SLC44A1: variants seen among roughly 807,000 people sequenced by gnomAD.
The protein encoded by SLC44A1 is solute carrier family 44 member 1.
A neutral mutation model predicts 79.3 loss-of-function variants in SLC44A1; 26 were observed. That is an observed-to-expected ratio of 0.33 (90% confidence interval 0.24 to 0.46). SLC44A1 has a LOEUF of 0.46. Among genes scored for constraint, SLC44A1 ranks in the 20% least tolerant of loss-of-function variants. SLC44A1 has a pLI of 1.00. For missense variants in SLC44A1, 688 were observed against 798.1 expected (o/e 0.86, Z 1.66); for synonymous variants, 263 against 286.2 (o/e 0.92, Z 0.82).
intron 3 of SLC44A1, among the ~76,000 whole-genome samples, chr9:105,325,569 T>G (rs1826547981): frequency 6.6e-6 from 1 of 152,196 alleles, no homozygotes; most frequent in Non-Finnish European, 1.5e-5. Flanking sequence ...TCGAGTGTGC[T>G]GATATGCTAG....
At chr9:105,365,386 AT>A (rs373671531) in intron 10 of SLC44A1, 96 bp from the exon 11 acceptor site, 1,999 of 822,464 alleles carry the variant, frequency 2.4e-3, no homozygotes, top group South Asian at 3.2e-3. Context: ...TGATGAGCTG[AT>A]TTTTTTTTTC....
chr9:105,371,531 A>G (rs1828099615), intron 12 of SLC44A1, among the ~76,000 whole-genome samples: 1 of 151,982 alleles, frequency 6.6e-6, no homozygotes, highest in Non-Finnish European at 1.5e-5. Flanking sequence ...GGAGATCGAG[A>G]CCATCCTAGC....
At chr9:105,356,180 T>C (rs1827616039) in intron 5 of SLC44A1, 32 bp from the exon 6 acceptor site, 1 of 1,589,124 alleles carries the variant, frequency 6.3e-7, no homozygotes, top group Non-Finnish European at 8.6e-7. Context: ...AGGAGTAATT[T>C]TTTTTCTGAT....
intron 13 of SLC44A1, among the ~76,000 whole-genome samples, chr9:105,375,320 A>T (rs1273823744): frequency 6.6e-6 from 1 of 152,192 alleles, no homozygotes; most frequent in East Asian, 1.9e-4. Context: ...GATTACAGGC[A>T]TGAGCCACTG....
Position 105,383,131 on chromosome 9 carries a change from A to G in SLC44A1, c.1641A>G (p.Ile547Met), listed in dbSNP as rs780524057. The change falls in exon 14 of 16, where the codon ATA (isoleucine) becomes ATG (methionine). Residue 547 changes from isoleucine (I) to methionine (M), a missense_variant. Ile to Met is a conservative substitution (Grantham distance 10). Transcript: ENST00000374720. ...DFMLFLGKVL[I>M]VCSTGLAGIM... ...TGTTCTCTCTGCTTCAGGTGCTGAT[A>G]GTCTGCAGCACAGGTTTAGCTGGGA... 1 of 1,606,132 alleles carries G rather than the reference A, an allele frequency of 6.2e-7. No homozygotes were observed. The highest frequency in any genetic ancestry group is 1.1e-5 in the South Asian group (1 of 90,926).
chr9:105,382,195 G>T (rs1828487778), intron 13 of SLC44A1, among the ~76,000 whole-genome samples: 2 of 151,936 alleles, frequency 1.3e-5, no homozygotes, highest in South Asian at 2.1e-4. Context: ...TTCTACTCAG[G>T]TCGGGTGGCA....
chr9:105,283,828 C>T (rs1830414882), intron 1 of SLC44A1, among the ~76,000 whole-genome samples: 1 of 152,106 alleles, frequency 6.6e-6, no homozygotes, highest in African/African-American at 2.4e-5. Flanking sequence ...CTCCATTGCT[C>T]TATTGCTTTA....
At chr9:105,407,728 G>A (rs902744509) in intron 15 of SLC44A1, among the ~76,000 whole-genome samples, 1 of 151,688 alleles carries the variant, frequency 6.6e-6, no homozygotes, top group African/African-American at 2.4e-5. Flanking sequence ...AAATTAGCTG[G>A]GCGTGATGGC....
intron 15 of SLC44A1, among the ~76,000 whole-genome samples, chr9:105,421,788 C>T (rs1323485286): frequency 6.6e-6 from 1 of 151,968 alleles, no homozygotes; most frequent in South Asian, 2.1e-4. Context: ...GGGGTTTCAC[C>T]GTGTTAGCCA....
At chr9:105,365,845 T>C (rs1827925006) in intron 11 of SLC44A1, among the ~76,000 whole-genome samples, 1 of 152,196 alleles carries the variant, frequency 6.6e-6, no homozygotes, top group African/African-American at 2.4e-5. Flanking sequence ...TAACTAAAAG[T>C]ATCCTGTGCT....
rs1437294495 is a variant in SLC44A1, at chr9:105,391,074, T to A, written c.*2018T>A. Reference sequence around the variant, plus strand: ...AAACATTGGGAACTAAATTTAGAATTGGCAAAAGTCTAGAAGATGGGTATC... The same window carrying A: ...AAACATTGGGAACTAAATTTAGAATAGGCAAAAGTCTAGAAGATGGGTATC... On this transcript the variant is annotated 3_prime_UTR_variant, in exon 16 of 16. Transcript: ENST00000374720. 1 of 985,866 alleles carries A rather than the reference T, an allele frequency of 1.0e-6. No individual in the cohort carries two copies. The highest frequency in any genetic ancestry group is 4.7e-5 in the South Asian group (1 of 21,290). The allele number at this position is 985,866 out of a possible 1,614,324, so 61.1% of individuals were successfully genotyped here. A position where few individuals can be genotyped will look rare whatever the true frequency, so the allele number is the denominator to read the frequency against.
intron 1 of SLC44A1, among the ~76,000 whole-genome samples, chr9:105,284,193 G>A (rs1160715185): frequency 6.6e-6 from 1 of 150,748 alleles, no homozygotes; most frequent in Non-Finnish European, 1.5e-5. Context: ...GTGTCTACCT[G>A]CCCTATCCAT....
chr9:105,409,352 T>A (rs377174304), intron 15 of SLC44A1, among the ~76,000 whole-genome samples: 15 of 152,248 alleles, frequency 9.9e-5, no homozygotes, highest in African/African-American at 3.4e-4. Context: ...CATTTTATAG[T>A]CATAAAAGGA....
intron 1 of SLC44A1, among the ~76,000 whole-genome samples, chr9:105,274,519 T>C (rs1285783471): frequency 6.6e-6 from 1 of 152,208 alleles, no homozygotes; most frequent in African/African-American, 2.4e-5. Flanking sequence ...GACCACCTCC[T>C]TCTCTGAACA....
At position 105,396,317 on chromosome 9, in the gene SLC44A1, CA is replaced by C. The variant is rs1222261838; in HGVS notation, c.*7262del. On this transcript the variant is annotated 3_prime_UTR_variant, in exon 16 of 16. Transcript: ENST00000374720. Reference sequence around the variant, plus strand: ...CAGTGGTTATTAACTGATTTTATTACAGGAGAAAAAAACTTTAACAAAAAGG... The same window carrying C: ...CAGTGGTTATTAACTGATTTTATTACGGAGAAAAAAACTTTAACAAAAAGG... The C allele has an allele frequency of 2.0e-6, 2 of 984,888 alleles. No individual in the cohort carries two copies. The highest frequency in any genetic ancestry group is 6.2e-5 in the Admixed American group (1 of 16,238). The allele number at this position is 984,888 out of a possible 1,614,324, so 61.0% of individuals were successfully genotyped here.
At chr9:105,341,410 C>T (rs188121560) in intron 4 of SLC44A1, among the ~76,000 whole-genome samples, 29 of 151,136 alleles carry the variant, frequency 1.9e-4, no homozygotes, top group African/African-American at 5.8e-4. Flanking sequence ...TGAGTTGGGT[C>T]GTGGGGTACA....
At chr9:105,246,724 T>C (rs1156784188) in intron 1 of SLC44A1, among the ~76,000 whole-genome samples, 2 of 152,202 alleles carry the variant, frequency 1.3e-5, no homozygotes, top group African/African-American at 2.4e-5. Flanking sequence ...TGAAATGCCT[T>C]TAAGACAGAA....
At chr9:105,245,396 T>A (rs1829413129) in intron 1 of SLC44A1, among the ~76,000 whole-genome samples, 1 of 152,212 alleles carries the variant, frequency 6.6e-6, no homozygotes, top group Non-Finnish European at 1.5e-5. Context: ...CAGTTTCTGC[T>A]TCATTAGATA....
intron 15 of SLC44A1, among the ~76,000 whole-genome samples, chr9:105,418,811 T>C (rs1206165602): frequency 2.0e-5 from 3 of 152,196 alleles, no homozygotes; most frequent in African/African-American, 7.2e-5. Context: ...GTGACTTTCT[T>C]ATTAGCAGAT....
Sources: allele counts gnomAD v4.1 joint callset (sites outside exome capture counted in the v4.1 genomes callset), GRCh38; gene constraint gnomAD v4.1.1; transcripts MANE v1.5; gene names NCBI Gene and HGNC (gene_info 2026-07-23, HGNC 2026-07-21).